Variants in SLC26A9 observed in about 807,000 individuals in gnomAD.
SLC26A9 encodes the protein solute carrier family 26 member 9, also known as anion transporter/exchanger protein 9.
In SLC26A9, 46 loss-of-function variants were observed where a neutral mutation model predicts 87.1. That is an observed-to-expected ratio of 0.53 (90% CI 0.42 to 0.67). The LOEUF (loss-of-function observed/expected upper bound fraction) is 0.67. SLC26A9 is among the 30% of genes least tolerant of loss of function. SLC26A9 has a pLI of 0.00. For missense variants in SLC26A9, 927 were observed against 1,018.3 expected (o/e 0.91, Z 1.22); for synonymous variants, 437 against 409.1 (o/e 1.07, Z -0.82).
chr1:205,932,432 T>C (rs1262979430), intron 4 of SLC26A9, among the ~76,000 whole-genome samples: 5 of 152,234 alleles, frequency 3.3e-5, no homozygotes, highest in African/African-American at 1.2e-4. Context: ...AAGCATGTTA[T>C]AGCATATGGT....
chr1:205,932,917 C>T (rs367642198), intron 3 of SLC26A9, 28 bp downstream of exon 3: 4 of 1,612,958 alleles, frequency 2.5e-6, no homozygotes, highest in South Asian at 2.2e-5. Context: ...GAGTGGCAAT[C>T]CAGGCCTGGC....
At chr1:205,942,130 G>T (rs529479433) in intron 1 of SLC26A9, among the ~76,000 whole-genome samples, 130 of 152,298 alleles carry the variant, frequency 8.5e-4, no homozygotes, top group Admixed American at 1.9e-3. Flanking sequence ...TTGAATACTG[G>T]GTATATGCCA....
intron 18 of SLC26A9, among the ~76,000 whole-genome samples, chr1:205,919,964 C>T (rs1295840699): frequency 1.3e-5 from 2 of 152,092 alleles, no homozygotes; most frequent in Non-Finnish European, 2.9e-5. Flanking sequence ...ACCTCCTCAC[C>T]CCCACTCTGT....
chr1:205,918,104 A>T (rs9438401), intron 19 of SLC26A9, among the ~76,000 whole-genome samples: 87,320 of 151,976 alleles, frequency 0.57, 27,025 homozygotes, highest in Non-Finnish European at 0.68. Context: ...AGGGCCAGAA[A>T]AGCCTTTCTT....
At position 205,935,731 on chromosome 1, in the gene SLC26A9, T is replaced by C. The variant is rs1297699484; in HGVS notation, c.90A>G (p.Thr30=). The part of the protein sequence containing the change: ...FDDEFEKKDR[T]YPVGEKLRNA... ...TGCGAAGTTTCTCTCCCACTGGGTATGTCCGGTCCTTCTTCTCAAACTCAT... is the reference window on the plus strand; with the variant it reads ...TGCGAAGTTTCTCTCCCACTGGGTACGTCCGGTCCTTCTTCTCAAACTCAT... The change falls in exon 2 of 21, where the codon ACA becomes ACG. Residue 30 remains threonine (T), a synonymous_variant. Coordinates refer to ENST00000367135, the MANE Select transcript of SLC26A9 (RefSeq NM_052934.4). The C allele has an allele frequency of 6.2e-7, 1 of 1,614,074 alleles. No homozygotes were observed. The highest frequency in any genetic ancestry group is 8.5e-7 in the Non-Finnish European group (1 of 1,179,960).
Position 205,918,834 on chromosome 1 carries a change from C to A in SLC26A9, c.2256+6G>T, listed in dbSNP as rs1269590602. On this transcript the variant is annotated splice_donor_region_variant and intron_variant, in intron 19 of 20. Coordinates refer to ENST00000367135, the MANE Select transcript of SLC26A9 (RefSeq NM_052934.4). ...GCCTAGGATTCCCCAGGTGCAAGAA[C>A]CTTACCCCTTGGAAGTTGTGTCCTG... 9.3e-6 allele frequency: 15 copies of A among 1,612,328 alleles called. No individual in the cohort carries two copies. The highest frequency in any genetic ancestry group is 4.0e-5 in the African/African-American group (3 of 75,032).
intron 7 of SLC26A9, 35 bp downstream of exon 7, chr1:205,929,168 GC>G: frequency 1.9e-6 from 3 of 1,595,322 alleles, no homozygotes; most frequent in South Asian, 1.1e-5. Context: ...TCACAGCCTG[GC>G]CCCCCAACAT....
chr1:205,940,145 C>A (rs942448154), intron 1 of SLC26A9, among the ~76,000 whole-genome samples: 1 of 152,072 alleles, frequency 6.6e-6, no homozygotes, highest in African/African-American at 2.4e-5. Flanking sequence ...GGTGCATGGG[C>A]CACTCCCATG....
Position 205,932,026 on chromosome 1 carries a change from G to A in SLC26A9, c.386C>T (p.Ala129Val). The A allele has an allele frequency of 6.2e-7, 1 of 1,614,130 alleles. No individual in the cohort carries two copies. The highest frequency in any genetic ancestry group is 8.5e-7 in the Non-Finnish European group (1 of 1,179,972). The stretch of plus-strand genomic sequence containing the variant: ...GTTACCCACCAGGATGCTGATAACG[G>A]CAAAGGTACCTGTGGTGCCCCACCC... ...GVHQMVPGTF[A>V]VISILVGNIC... Residue 129 changes from alanine to valine, a missense_variant, in exon 5 of 21, where the codon GCC (alanine) becomes GTC (valine). By Grantham distance (64) the Ala-to-Val change is moderately conservative. Coordinates refer to ENST00000367135, the MANE Select transcript of SLC26A9 (RefSeq NM_052934.4).
intron 19 of SLC26A9, among the ~76,000 whole-genome samples, chr1:205,918,002 C>T (rs980747028): frequency 3.3e-5 from 5 of 152,156 alleles, no homozygotes; most frequent in Admixed American, 2.6e-4. Flanking sequence ...CAGGAGCCAG[C>T]GCCCTGTGTG....
intron 17 of SLC26A9, among the ~76,000 whole-genome samples, chr1:205,921,066 C>A (rs1658805989): frequency 6.6e-6 from 1 of 152,246 alleles, no homozygotes; most frequent in South Asian, 2.1e-4. Flanking sequence ...TTGCTGACTC[C>A]CGCCATTGGC....
In SLC26A9 at chr1:205,933,131, A is replaced by G. The variant is rs116412054; in HGVS notation, c.126-47T>C. 6,926 of 1,612,264 alleles carry G rather than the reference A, an allele frequency of 4.3e-3. 33 individuals carry two copies. Among genetic ancestry groups the G allele is most frequent in the African/African-American group, 0.029 (2,151 of 74,982 alleles). On this transcript the variant is annotated intron_variant, in intron 2 of 20. Transcript: ENST00000367135. ...TTCCAGTCGGCTCTGCATGGCTTGGACATTCCGTGTTGGAGAGGGATTATC... is the reference window on the plus strand; with the variant it reads ...TTCCAGTCGGCTCTGCATGGCTTGGGCATTCCGTGTTGGAGAGGGATTATC...
chr1:205,941,641 A>G (rs906540843), intron 1 of SLC26A9, among the ~76,000 whole-genome samples: 10 of 151,942 alleles, frequency 6.6e-5, no homozygotes, highest in African/African-American at 2.2e-4. Context: ...ATTCACTGAT[A>G]CCACCCCCCA....
rs1658453521 is a variant in SLC26A9, at chr1:205,913,496, C to T, written c.*1861G>A. The T allele has an allele frequency of 6.6e-6, 1 of 152,580 alleles. No homozygotes were observed. The highest frequency in any genetic ancestry group is 1.5e-5 in the Non-Finnish European group (1 of 68,046). The allele number at this position is 152,580 out of a possible 1,614,324, so 9.5% of individuals were successfully genotyped here. A position where few individuals can be genotyped will look rare whatever the true frequency, so the allele number is the denominator to read the frequency against. ...GGGTTAAGGATCACTTCATCAAGTC[C>T]TCAGGGGATCTAGATACTTGGTTCA... On this transcript the variant is annotated 3_prime_UTR_variant, in exon 21 of 21. Coordinates refer to ENST00000367135, the MANE Select transcript of SLC26A9 (RefSeq NM_052934.4).
intron 1 of SLC26A9, among the ~76,000 whole-genome samples, chr1:205,941,645 C>A (rs927877297): frequency 2.0e-5 from 3 of 152,158 alleles, no homozygotes; most frequent in Admixed American, 1.3e-4. Flanking sequence ...ACTGATACCA[C>A]CCCCCAAATC....
intron 7 of SLC26A9, 71 bp from the exon 8 acceptor site, chr1:205,928,980 T>C: frequency 6.4e-7 from 1 of 1,571,210 alleles, no homozygotes; most frequent in Non-Finnish European, 8.7e-7. Flanking sequence ...CTCTCAAGTC[T>C]CCCTTTTCTC....
Position 205,927,610 on chromosome 1 carries a change from A to C in SLC26A9, c.1102-5T>G. 1 of 1,612,128 alleles carries C rather than the reference A, an allele frequency of 6.2e-7. No homozygotes were observed. The highest frequency in any genetic ancestry group is 8.5e-7 in the Non-Finnish European group (1 of 1,178,866). On this transcript the variant is annotated splice_polypyrimidine_tract_variant and splice_region_variant and intron_variant, in intron 9 of 20. Coordinates refer to ENST00000367135, the MANE Select transcript of SLC26A9 (RefSeq NM_052934.4). Reference sequence around the variant, plus strand: ...GCAGCCGAGAGCGATCATCTCCTGCAGGGAGGGGACAGGATTAGAAGCCAG... The same window carrying C: ...GCAGCCGAGAGCGATCATCTCCTGCCGGGAGGGGACAGGATTAGAAGCCAG...
intron 12 of SLC26A9, among the ~76,000 whole-genome samples, chr1:205,924,991 G>C (rs928083079): frequency 6.6e-6 from 1 of 152,058 alleles, no homozygotes; most frequent in East Asian, 1.9e-4. Context: ...GACGGCTCTC[G>C]CTAAGCTGCC....
At chr1:205,928,345 G>C (rs150708644) in intron 8 of SLC26A9, 68 of 456,212 alleles carry the variant, frequency 1.5e-4, no homozygotes, top group African/African-American at 1.3e-3. Flanking sequence ...ATGCTCACGA[G>C]TCCACAGACC....
Sources: allele counts gnomAD v4.1 joint callset (sites outside exome capture counted in the v4.1 genomes callset), GRCh38; gene constraint gnomAD v4.1.1; transcripts MANE v1.5; gene names NCBI Gene and HGNC (gene_info 2026-07-23, HGNC 2026-07-21).